TRIO: variants seen among roughly 807,000 people sequenced by gnomAD.
TRIO encodes triple functional domain protein.
TRIO carries 58 observed loss-of-function variants against 351.9 expected under a neutral mutation model. The ratio of observed to expected loss-of-function variants is 0.16; its 90% CI spans 0.13 to 0.21. The LOEUF is 0.21. TRIO is among the 10% of genes least tolerant of loss of function. The pLI is 1.00. For synonymous variants in TRIO, 1,758 were observed against 1,595.7 expected, an observed-to-expected ratio of 1.10 and a Z score of -2.42; for missense variants, 3,201 against 4,027.8, an observed-to-expected ratio of 0.79 and a Z score of 5.56.
At chr5:14,267,208 A>G (rs1795734611) in intron 1 of TRIO, among the ~76,000 whole-genome samples, 1 of 152,024 alleles carries the variant, frequency 6.6e-6, no homozygotes, top group Non-Finnish European at 1.5e-5. Flanking sequence ...GTTAATCCTA[A>G]TTTTACCAAA....
intron 19 of TRIO, among the ~76,000 whole-genome samples, chr5:14,375,789 T>A (rs1745506952): frequency 6.6e-6 from 1 of 152,204 alleles, no homozygotes; most frequent in Non-Finnish European, 1.5e-5. Context: ...AATAGGAGAC[T>A]AGAAAAAATG....
intron 30 of TRIO, among the ~76,000 whole-genome samples, chr5:14,399,779 C>CT (rs1222100004): frequency 6.6e-6 from 1 of 152,234 alleles, no homozygotes; most frequent in Non-Finnish European, 1.5e-5. Context: ...GTACTTCCAT[C>CT]TAACTTAGTG....
intron 53 of TRIO, among the ~76,000 whole-genome samples, chr5:14,501,472 A>T (rs935893687): frequency 3.3e-5 from 5 of 152,232 alleles, no homozygotes; most frequent in Admixed American, 3.3e-4. Context: ...GTTCACTTGT[A>T]GTCATGTAGC....
chr5:14,490,680 G>A (rs1756417325), intron 48 of TRIO: 2 of 399,148 alleles, frequency 5.0e-6, no homozygotes, highest in African/African-American at 4.2e-5. Context: ...GGTTGGTGGT[G>A]AGAATTAAGC....
At chr5:14,443,135 C>T (rs1020211351) in intron 34 of TRIO, among the ~76,000 whole-genome samples, 23 of 152,074 alleles carry the variant, frequency 1.5e-4, no homozygotes, top group African/African-American at 5.3e-4. Flanking sequence ...TTTTGTTTCT[C>T]TCTATATATT....
chr5:14,496,468 C>T (rs1756901878), intron 49 of TRIO, among the ~76,000 whole-genome samples: 1 of 152,168 alleles, frequency 6.6e-6, no homozygotes, highest in African/African-American at 2.4e-5. Flanking sequence ...TTTTTGTGTT[C>T]CCTTAAGGCC....
chr5:14,479,413 A>C (rs1307990368), intron 42 of TRIO, 63 bp downstream of exon 42: 3 of 1,454,068 alleles, frequency 2.1e-6, no homozygotes, highest in African/African-American at 1.4e-5. Context: ...ATTTCTAAAA[A>C]TGAAAGTATC....
intron 13 of TRIO, among the ~76,000 whole-genome samples, chr5:14,363,494 A>G (rs765829617): frequency 6.6e-5 from 10 of 152,032 alleles, no homozygotes; most frequent in Non-Finnish European, 1.5e-4. Flanking sequence ...CTCTTTCGGT[A>G]TCTGTGGCCA....
Position 14,327,454 on chromosome 5 carries a change from G to A in TRIO, c.1732-3324G>A, listed in dbSNP as rs144107408. On this transcript the variant is annotated intron_variant, in intron 9 of 56. Coordinates refer to ENST00000344204, the MANE Select transcript of TRIO (RefSeq NM_007118.4). The stretch of plus-strand genomic sequence containing the variant: ...GCTGGGATTATAGGTGTGAGCCACC[G>A]CGCCTGGCCAGAAACAAATTTTTAT... Among the ~76,000 whole-genome samples, 79 of 152,240 alleles carry A rather than the reference G, an allele frequency of 5.2e-4. No individual in the cohort carries two copies. The East Asian group carries it at 0.013, about 25-fold the overall frequency.
chr5:14,155,844 A>G (rs1458438350), intron 1 of TRIO, among the ~76,000 whole-genome samples: 1 of 152,106 alleles, frequency 6.6e-6, no homozygotes, highest in South Asian at 2.1e-4. Flanking sequence ...TTGTGGGGAG[A>G]TAATTTGAGG....
At chr5:14,455,177 G>C (rs1412224749) in intron 34 of TRIO, among the ~76,000 whole-genome samples, 1 of 152,290 alleles carries the variant, frequency 6.6e-6, no homozygotes, top group East Asian at 1.9e-4. Context: ...ACCCAAATGG[G>C]TTGCCGCTGC....
intron 19 of TRIO, among the ~76,000 whole-genome samples, chr5:14,376,254 A>T (rs1013071985): frequency 4.6e-5 from 7 of 152,178 alleles, no homozygotes; most frequent in African/African-American, 1.7e-4. Flanking sequence ...GGAACCCTTT[A>T]TTTGATTTGC....
chr5:14,409,130 G>A (rs74732410), intron 33 of TRIO, among the ~76,000 whole-genome samples: 1,696 of 152,122 alleles, frequency 0.011, 22 homozygotes, highest in African/African-American at 0.039. Context: ...AGAATTCCTT[G>A]GCTGGTACCC....
chr5:14,508,030 C>CCTGT lies in TRIO; in HGVS notation c.8905_8908dup (p.Ser2970CysfsTer19). 1 of 1,614,194 alleles carries CCTGT rather than the reference C, an allele frequency of 6.2e-7. No homozygotes were observed. The highest frequency in any genetic ancestry group is 8.5e-7 in the Non-Finnish European group (1 of 1,180,040). ...AGCCCCTGAAATCATCCTCGGGAAC[C>CCTGT]CTGTCTCCCTGACCTCGGATACGTG... On this transcript the variant is annotated frameshift_variant, in exon 57 of 57. Transcript: ENST00000344204. LOFTEE classifies it high-confidence loss of function.
intron 33 of TRIO, among the ~76,000 whole-genome samples, chr5:14,410,144 G>C (rs563976427): frequency 1.3e-5 from 2 of 152,284 alleles, no homozygotes; most frequent in South Asian, 4.1e-4. Flanking sequence ...GTCTTACTCC[G>C]TTCTGGAGAC....
At chr5:14,412,595 T>TG (rs1162069621) in intron 33 of TRIO, among the ~76,000 whole-genome samples, 2 of 152,228 alleles carry the variant, frequency 1.3e-5, no homozygotes, top group African/African-American at 4.8e-5. Context: ...CCCTTCCCTC[T>TG]GGCTGGAGCT....
At chr5:14,348,198 A>G (rs1742612235) in intron 11 of TRIO, among the ~76,000 whole-genome samples, 1 of 152,212 alleles carries the variant, frequency 6.6e-6, no homozygotes, top group Non-Finnish European at 1.5e-5. Context: ...ACTGGGCAAA[A>G]CTGACTTGAG....
intron 1 of TRIO, among the ~76,000 whole-genome samples, chr5:14,239,409 T>C (rs1180292420): frequency 6.6e-6 from 1 of 152,188 alleles, no homozygotes; most frequent in African/African-American, 2.4e-5. Flanking sequence ...GTTTCCTTGG[T>C]GTCTCTACTA....
At chr5:14,291,483 A>G (rs914136233) in intron 5 of TRIO, among the ~76,000 whole-genome samples, 1 of 151,794 alleles carries the variant, frequency 6.6e-6, no homozygotes, top group African/African-American at 2.4e-5. Flanking sequence ...TAAGATAGGA[A>G]TGATATTTTC....
Sources: allele counts gnomAD v4.1 joint callset (sites outside exome capture counted in the v4.1 genomes callset), GRCh38; gene constraint gnomAD v4.1.1; transcripts MANE v1.5; gene names NCBI Gene and HGNC (gene_info 2026-07-23, HGNC 2026-07-21).